ALLC: variants seen among roughly 807,000 people sequenced by gnomAD.
ALLC encodes the protein allantoicase, also known as probable inactive allantoicase.
In ALLC, 40 loss-of-function variants were observed where a neutral mutation model predicts 45.0. The observed-to-expected ratio is 0.89, with a 90% CI of 0.69 to 1.16. The LOEUF (loss-of-function observed/expected upper bound fraction) is 1.16, where lower values mean the gene tolerates loss of function less well. Among genes scored for constraint, ALLC ranks in the 50% most tolerant of loss-of-function variants. The pLI, the probability that ALLC is intolerant of heterozygous loss-of-function variation, is 0.00. For missense variants in ALLC, 488 were observed against 493.1 expected (o/e 0.99, Z 0.10); for synonymous variants, 176 against 178.1 (o/e 0.99, Z 0.09).
chr2:3,649,999 C>T, the ALLC span, among the ~76,000 whole-genome samples: 1 of 152,254 alleles, frequency 6.6e-6, no homozygotes, highest in Non-Finnish European at 1.5e-5. Flanking sequence ...AGACGTTTTC[C>T]AAATTTGTTC....
intron 1 of ALLC, among the ~76,000 whole-genome samples, chr2:3,669,465 C>A (rs1182038721): frequency 6.6e-6 from 1 of 151,704 alleles, no homozygotes; most frequent in African/African-American, 2.4e-5. Context: ...CAGAGCAAGA[C>A]TCCGTCTCAA....
the ALLC span, among the ~76,000 whole-genome samples, chr2:3,652,569 A>C: frequency 1.3e-5 from 2 of 149,658 alleles, no homozygotes; most frequent in African/African-American, 5.0e-5. Flanking sequence ...AAACCACCCC[A>C]AAACTTTGTG....
the ALLC span, among the ~76,000 whole-genome samples, chr2:3,651,433 GT>G: frequency 1.5e-4 from 9 of 61,024 alleles, 2 homozygotes; most frequent in Admixed American, 2.3e-4. Context: ...GTGTGTGTGT[GT>G]GTGTGTGTTA....
chr2:3,663,909 A>G (rs921591571), intron 1 of ALLC, among the ~76,000 whole-genome samples: 1 of 152,256 alleles, frequency 6.6e-6, no homozygotes, highest in Non-Finnish European at 1.5e-5. Flanking sequence ...CATCAGCCAC[A>G]TGTAACTTCC....
At chr2:3,675,512 A>G (rs896655233) in intron 3 of ALLC, among the ~76,000 whole-genome samples, 3 of 151,758 alleles carry the variant, frequency 2.0e-5, no homozygotes, top group African/African-American at 7.3e-5. Flanking sequence ...ATTATCTGTG[A>G]AGAGAGAGGT....
the ALLC span, among the ~76,000 whole-genome samples, chr2:3,651,297 TGGGTGGGTGGGTGGGTGGGGG>T: frequency 2.9e-3 from 5 of 1,716 alleles, 1 homozygote; most frequent in African/African-American, 6.8e-3. Context: ...GAATTCTTTT[TGGGTGGGTGGGTGGGTGGGGG>T]GGGTGTGTGT....
chr2:3,650,661 TG>T, the ALLC span, among the ~76,000 whole-genome samples: 1 of 152,174 alleles, frequency 6.6e-6, no homozygotes, highest in Non-Finnish European at 1.5e-5. Context: ...CGCACTTGTC[TG>T]GGGCTCAGTT....
intron 1 of ALLC, among the ~76,000 whole-genome samples, chr2:3,660,175 A>G (rs977140900): frequency 1.3e-5 from 2 of 152,040 alleles, no homozygotes; most frequent in East Asian, 3.9e-4. Flanking sequence ...TTCCTCTGTT[A>G]GTCTGGTGAG....
chr2:3,688,225 C>A, intron 7 of ALLC: 3 of 169,940 alleles, frequency 1.8e-5, no homozygotes, highest in South Asian at 2.6e-4. Context: ...TTGATGGTGT[C>A]ATATTTGTCA....
intron 7 of ALLC, among the ~76,000 whole-genome samples, chr2:3,683,595 CT>C (rs1410927964): frequency 2.0e-5 from 3 of 152,094 alleles, no homozygotes; most frequent in Admixed American, 1.3e-4. Context: ...TGCTTTTTGT[CT>C]TGATAGTTTT....
At chr2:3,651,315 G>T in the ALLC span, among the ~76,000 whole-genome samples, 10 of 20,156 alleles carry the variant, frequency 5.0e-4, 3 homozygotes, top group African/African-American at 9.0e-4. Flanking sequence ...TGGGTGGGTG[G>T]GGGGGGTGTG....
At chr2:3,669,596 C>T (rs547767151) in intron 1 of ALLC, among the ~76,000 whole-genome samples, 14 of 149,530 alleles carry the variant, frequency 9.4e-5, no homozygotes, top group Admixed American at 2.0e-4. Context: ...TGCAGTGAGC[C>T]GAGATTGCGC....
rs559895990 is a variant in ALLC, at chr2:3,701,875, GTC to G, written c.975+243_975+244del. On this transcript the variant is annotated intron_variant, in intron 11 of 11. Transcript: ENST00000252505. ...GTTCAGAATACATACGTGGAAACAT[GTC>G]TCTGCATCATGTTTAACTTTGTAGA... is the stretch of plus-strand genomic sequence containing the variant. Among the ~76,000 whole-genome samples, 26 of 152,274 alleles carry G rather than the reference GTC, an allele frequency of 1.7e-4. 1 individual carries two copies. The highest frequency in any genetic ancestry group is 6.0e-4 in the African/African-American group (25 of 41,548).
chr2:3,648,105 T>G, the ALLC span, among the ~76,000 whole-genome samples: 1 of 152,202 alleles, frequency 6.6e-6, no homozygotes, highest in African/African-American at 2.4e-5. Context: ...CCTGGCAGCC[T>G]CTCCCACTCC....
At chr2:3,679,201 A>G (rs1000426667) in intron 4 of ALLC, among the ~76,000 whole-genome samples, 3 of 152,220 alleles carry the variant, frequency 2.0e-5, no homozygotes, top group Non-Finnish European at 4.4e-5. Context: ...CTAACTTTCT[A>G]CAGTACTTGA....
At position 3,678,503 on chromosome 2, in the gene ALLC, G is replaced by A. The variant is rs201623214; in HGVS notation, c.120G>A (p.Thr40=). The change falls in exon 4 of 12, where the codon ACG becomes ACA. Residue 40 remains threonine (T), a synonymous_variant. Transcript: ENST00000252505. Reference sequence around the variant, plus strand: ...CGTGCTTCAAAGAGCATGAATATACGGAGTTTGGGAAATGGATGGATGGCT... The same window carrying A: ...CGTGCTTCAAAGAGCATGAATATACAGAGTTTGGGAAATGGATGGATGGCT... ...DSPCFKEHEY[T]EFGKWMDGWE... is the part of the protein sequence containing the mutation. 37 of 1,614,024 alleles carry A rather than the reference G, an allele frequency of 2.3e-5. No homozygotes were observed. The Middle Eastern group carries it at 1.3e-3, about 58-fold the overall frequency.
chr2:3,654,967 CTG>C (rs1243452777), upstream of ALLC, among the ~76,000 whole-genome samples: 1 of 152,268 alleles, frequency 6.6e-6, no homozygotes, highest in Non-Finnish European at 1.5e-5. Context: ...CGTGACCTCC[CTG>C]TGTCTGTGGT....
chr2:3,663,386 A>T, intron 1 of ALLC, among the ~76,000 whole-genome samples: 1 of 152,186 alleles, frequency 6.6e-6, no homozygotes, highest in East Asian at 1.9e-4. Flanking sequence ...ACACATAGAC[A>T]TGTTGGGGGG....
intron 4 of ALLC, among the ~76,000 whole-genome samples, chr2:3,679,060 TACTC>T (rs1667104846): frequency 6.6e-6 from 1 of 152,246 alleles, no homozygotes; most frequent in Non-Finnish European, 1.5e-5. Flanking sequence ...TCATTGCTAT[TACTC>T]AGTCTCAATC....
Sources: allele counts gnomAD v4.1 joint callset (sites outside exome capture counted in the v4.1 genomes callset), GRCh38; gene constraint gnomAD v4.1.1; transcripts MANE v1.5; gene names NCBI Gene and HGNC (gene_info 2026-07-23, HGNC 2026-07-21).